The following WEE2 variants were observed in gnomAD, a reference collection of about 807,000 sequenced individuals.
The protein encoded by WEE2 is wee1-like protein kinase 2.
Under a neutral mutation model 60.1 loss-of-function variants are expected in WEE2, and 50 were observed. That is an observed-to-expected ratio of 0.83 (90% CI 0.66 to 1.05). The LOEUF (loss-of-function observed/expected upper bound fraction) is 1.05, where lower values mean the gene tolerates loss of function less well. Ranked by LOEUF, WEE2 falls within the 50% of genes least tolerant of loss-of-function variation. The probability of loss-of-function intolerance (pLI) is 0.00; values close to 1 mark genes in which losing one functional copy is unlikely to be tolerated. For missense variants in WEE2, 631 were observed against 684.3 expected (o/e 0.92, Z 0.87); for synonymous variants, 240 against 241.0 (o/e 1.00, Z 0.04).
chr7:141,718,560 AGTTTGACAATT>A (rs1213966289), intron 3 of WEE2, among the ~76,000 whole-genome samples: 1 of 152,126 alleles, frequency 6.6e-6, no homozygotes, highest in East Asian at 1.9e-4. Context: ...AAATTGTCAA[AGTTTGACAATT>A]TTGACAAAAT....
intron 9 of WEE2, 127 bp from the exon 10 acceptor site, chr7:141,727,177 C>A: frequency 9.9e-7 from 1 of 1,014,964 alleles, no homozygotes; most frequent in Non-Finnish European, 1.5e-6. Flanking sequence ...TTTCTTTCCT[C>A]TGCACAAAGC....
In WEE2 at chr7:141,708,725, C is replaced by T. The variant is rs747813124; in HGVS notation, c.-34C>T. ...TTCACAGCGTTCCCTTCTGATAGAGCTTTTTGTCTGTGTTGTAAAGCTCTT... is the reference window on the plus strand; with the variant it reads ...TTCACAGCGTTCCCTTCTGATAGAGTTTTTTGTCTGTGTTGTAAAGCTCTT... On this transcript the variant is annotated 5_prime_UTR_variant, in exon 1 of 12. Coordinates refer to ENST00000397541, the MANE Select transcript of WEE2 (RefSeq NM_001105558.1). 6.4e-7 allele frequency: 1 copy of T among 1,573,742 alleles called. No individual in the cohort carries two copies. Among genetic ancestry groups the T allele is most frequent in the South Asian group, 1.1e-5 (1 of 87,004 alleles).
At chr7:141,723,312 G>A (rs377710278) in intron 6 of WEE2, 32 bp downstream of exon 6, 59 of 1,604,902 alleles carry the variant, frequency 3.7e-5, no homozygotes, top group South Asian at 1.7e-4. Flanking sequence ...CACTTCTACC[G>A]TATTTTGTTC....
Position 141,716,220 on chromosome 7 carries a change from A to G in WEE2, c.540-2A>G, listed in dbSNP as rs1193631313. ...TGATAAACTTTTTTTTTCTTTTTTA[A>G]GTGAGGAAGCTGGTCCAGAGGAAGG... is the stretch of plus-strand genomic sequence containing the variant. On this transcript the variant is annotated splice_acceptor_variant, in intron 2 of 11. Transcript: ENST00000397541. LOFTEE classifies it high-confidence loss of function. 6.2e-7 allele frequency: 1 copy of G among 1,610,814 alleles called. No homozygotes were observed. Among genetic ancestry groups the G allele is most frequent in the African/African-American group, 1.3e-5 (1 of 74,664 alleles).
intron 8 of WEE2, among the ~76,000 whole-genome samples, chr7:141,724,736 T>G (rs1249316779): frequency 6.6e-6 from 1 of 152,202 alleles, no homozygotes; most frequent in Non-Finnish European, 1.5e-5. Flanking sequence ...CAAGTAAAAA[T>G]GAGTATTCCC....
rs745494437 is a variant in WEE2 at position 141,725,202 on chromosome 7, A to G, written c.1392+6A>G. ...GCTTTTCCAGTCTGCTCAAGGTGAT[A>G]GCTCTTACGAGATGAACAGAAGATG... is the stretch of plus-strand genomic sequence containing the variant. On this transcript the variant is annotated splice_donor_region_variant and intron_variant, in intron 9 of 11. Transcript: ENST00000397541. The G allele has an allele frequency of 1.6e-5, 26 of 1,609,278 alleles. No homozygotes were observed. The South Asian group carries it at 2.8e-4, about 17-fold the overall frequency.
At position 141,711,203 on chromosome 7, in the gene WEE2, T is replaced by G. The variant is rs1798705730; in HGVS notation, c.342+2103T>G. The stretch of plus-strand genomic sequence containing the variant: ...CTGGGTATGGGGCACAAGAAAACAA[T>G]GAAAATTGGAAATCCGTATTTGGAT... On this transcript the variant is annotated intron_variant, in intron 1 of 11. Coordinates refer to ENST00000397541, the MANE Select transcript of WEE2 (RefSeq NM_001105558.1). The surrounding 1 kb of genome is among the most constrained non-coding windows in gnomAD (Gnocchi z 4.2). Among the ~76,000 whole-genome samples the G allele has an allele frequency of 3.3e-5, 5 of 152,088 alleles. 1 individual carries two copies. The South Asian group carries it at 1.0e-3, about 32-fold the overall frequency.
At chr7:141,723,711 C>T (rs1302918408) in intron 6 of WEE2, among the ~76,000 whole-genome samples, 2 of 151,922 alleles carry the variant, frequency 1.3e-5, no homozygotes, top group Non-Finnish European at 2.9e-5. Flanking sequence ...TGATACCAGT[C>T]CCATCAGAGA....
chr7:141,729,013 A>G (rs914618396), intron 10 of WEE2, among the ~76,000 whole-genome samples: 2 of 152,244 alleles, frequency 1.3e-5, no homozygotes, highest in African/African-American at 4.8e-5. Flanking sequence ...CCGCTGGTCT[A>G]GACCAAGTGT....
In WEE2 at chr7:141,727,342, A is replaced by G. The variant is rs1263328800; in HGVS notation, c.1431A>G (p.Ala477=). The G allele has an allele frequency of 1.2e-6, 2 of 1,614,186 alleles. No homozygotes were observed. The highest frequency in any genetic ancestry group is 1.7e-6 in the Non-Finnish European group (2 of 1,180,016). Reference sequence around the variant, plus strand: ...CTGATGCCGAACAGAGACCTTCTGCAGCAGCTCTGGCCAGAAATACAGTTC... The same window carrying G: ...CTGATGCCGAACAGAGACCTTCTGCGGCAGCTCTGGCCAGAAATACAGTTC... ...IQPDAEQRPS[A]AALARNTVLR... is the part of the protein sequence containing the mutation. Residue 477 remains alanine (A), a synonymous_variant, in exon 10 of 12, where the codon GCA becomes GCG. Coordinates refer to ENST00000397541, the MANE Select transcript of WEE2 (RefSeq NM_001105558.1).
chr7:141,718,999 G>C (rs918063205), intron 3 of WEE2, 73 bp from the exon 4 acceptor site: 15 of 1,481,886 alleles, frequency 1.0e-5, no homozygotes, highest in Non-Finnish European at 1.4e-5. Context: ...ACTTAGGACT[G>C]TAATACTGTT....
chr7:141,716,546 C>T (rs961540941), intron 3 of WEE2, among the ~76,000 whole-genome samples: 17 of 151,634 alleles, frequency 1.1e-4, no homozygotes, highest in African/African-American at 3.9e-4. Context: ...CCCATCTCAC[C>T]CCATCTCACA....
At position 141,712,841 on chromosome 7, in the gene WEE2, C is replaced by T. The variant is rs1365955648; in HGVS notation, c.343-1368C>T. 2.6e-5 allele frequency among the ~76,000 whole-genome samples: 4 copies of T among 152,104 alleles called. No homozygotes were observed. In the East Asian group the frequency reaches 5.8e-4, roughly 22 times the overall value. On this transcript the variant is annotated intron_variant, in intron 1 of 11. Transcript: ENST00000397541. ...ATATGATAATCAGCATTACAAAAAACGAATTCTCAGAATGACTTACTACAA... is the reference window on the plus strand; with the variant it reads ...ATATGATAATCAGCATTACAAAAAATGAATTCTCAGAATGACTTACTACAA...
At chr7:141,725,328 G>A (rs1798994775) in intron 9 of WEE2, 132 bp downstream of exon 9, 6 of 1,076,338 alleles carry the variant, frequency 5.6e-6, no homozygotes, top group Non-Finnish European at 7.8e-6. Flanking sequence ...TAGAAGTCCA[G>A]AAAAAATAAG....
intron 2 of WEE2, 132 bp downstream of exon 2, chr7:141,714,537 C>G: frequency 1.5e-6 from 1 of 663,254 alleles, no homozygotes; most frequent in Non-Finnish European, 2.5e-6. Context: ...ATATTCTCCC[C>G]TTCCTAGATA....
intron 8 of WEE2, 70 bp from the exon 9 acceptor site, chr7:141,724,956 C>T: frequency 6.5e-7 from 1 of 1,527,848 alleles, no homozygotes; most frequent in Non-Finnish European, 8.9e-7. Context: ...ACCTTTCCTA[C>T]CAGTTATATT....
At position 141,729,645 on chromosome 7, in the gene WEE2, A is replaced by C. The variant is rs1422529302; in HGVS notation, c.1650A>C (p.Gly550=). 1 of 1,613,706 alleles carries C rather than the reference A, an allele frequency of 6.2e-7. No individual in the cohort carries two copies. Among genetic ancestry groups the C allele is most frequent in the Non-Finnish European group, 8.5e-7 (1 of 1,179,960 alleles). The change falls in exon 11 of 12, where the codon GGA becomes GGC. Residue 550 remains glycine, a synonymous_variant. Coordinates refer to ENST00000397541, the MANE Select transcript of WEE2 (RefSeq NM_001105558.1). ...GSRSTKRLVG[G]KSARSSSFTS... ...GAAGCACAAAACGCCTGGTGGGAGGAAAGAGTGCAAGGTCTTCAAGCTTTA... is the reference window on the plus strand; with the variant it reads ...GAAGCACAAAACGCCTGGTGGGAGGCAAGAGTGCAAGGTCTTCAAGCTTTA...
chr7:141,730,611 G>A lies in WEE2; in HGVS notation c.*291G>A, dbSNP rs1457519249. ...ATAAATGGTTTCACCATTATGTGAG[G>A]TGGGTAAAAGTTAGACTGCATGCAA... On this transcript the variant is annotated 3_prime_UTR_variant, in exon 12 of 12. Transcript: ENST00000397541. 2 of 294,952 alleles carry A rather than the reference G, an allele frequency of 6.8e-6. No individual in the cohort carries two copies. Among genetic ancestry groups the A allele is most frequent in the African/African-American group, 2.2e-5 (1 of 46,008 alleles). The allele number at this position is 294,952 out of a possible 1,614,324, so 18.3% of individuals were successfully genotyped here.
rs369284093 is a variant in WEE2, at chr7:141,708,956, C to T, written c.198C>T (p.Leu66=). The change falls in exon 1 of 12, where the codon CTC becomes CTT. Residue 66 remains leucine (L), a synonymous_variant. Transcript: ENST00000397541. ...CTCCCCTTAGCAACGTGCATGAGCT[C>T]GACACATCTTCGGAAAAAGACAAAG... The part of the protein sequence containing the change: ...PWTPLSNVHE[L]DTSSEKDKES... 127 of 1,614,058 alleles carry T rather than the reference C, an allele frequency of 7.9e-5. No individual in the cohort carries two copies. The highest frequency in any genetic ancestry group is 8.7e-5 in the Non-Finnish European group (103 of 1,180,000).
Sources: gnomAD v4.1 joint callset for allele counts (sites outside exome capture counted in the v4.1 genomes callset) on GRCh38, gnomAD v4.1.1 for gene constraint, Gnocchi (gnomAD v3.1) non-coding constraint, MANE v1.5 for transcripts, NCBI Gene and HGNC (gene_info 2026-07-23, HGNC 2026-07-21) for gene names.